The following AFF3 variants were observed in gnomAD, a reference collection of about 807,000 sequenced individuals.
AFF3 encodes the protein ALF transcription elongation factor 3, also known as AF4/FMR2 family member 3.
In AFF3, 32 loss-of-function variants were observed where a neutral mutation model predicts 129.7. The observed-to-expected ratio is 0.25, with a 90% CI of 0.19 to 0.33. The LOEUF (loss-of-function observed/expected upper bound fraction) is 0.33, where lower values mean the gene tolerates loss of function less well. Ranked by LOEUF, AFF3 falls within the 10% of genes least tolerant of loss-of-function variation. AFF3 has a pLI of 1.00. For missense variants in AFF3, 1,373 were observed against 1,592.0 expected, an observed-to-expected ratio of 0.86 and a Z score of 2.34; for synonymous variants, 644 against 635.4, an observed-to-expected ratio of 1.01 and a Z score of -0.20.
intron 8 of AFF3, among the ~76,000 whole-genome samples, chr2:99,755,218 C>A (rs967268759): frequency 6.6e-6 from 1 of 151,930 alleles, no homozygotes; most frequent in Non-Finnish European, 1.5e-5. Context: ...ATCAGACTAA[C>A]GGCTCCCTCC....
chr2:99,592,049 T>C (rs774725876), intron 15 of AFF3, among the ~76,000 whole-genome samples: 3 of 152,238 alleles, frequency 2.0e-5, no homozygotes, highest in Admixed American at 6.5e-5. Flanking sequence ...AATCTTGGTC[T>C]GTCACCCATT....
At chr2:99,922,872 GTCTACATCTATTT>G (rs991867900) in intron 7 of AFF3, among the ~76,000 whole-genome samples, 5 of 152,096 alleles carry the variant, frequency 3.3e-5, no homozygotes, top group Admixed American at 2.0e-4. Context: ...GCCAACAGTA[GTCTACATCTATTT>G]TCTACCCAGC....
chr2:99,887,738 T>C (rs766160935), intron 7 of AFF3, among the ~76,000 whole-genome samples: 2 of 152,244 alleles, frequency 1.3e-5, no homozygotes, highest in South Asian at 4.1e-4. Context: ...ACTATTGAGT[T>C]CTTATTGCAA....
chr2:99,799,468 T>G (rs1685776858), intron 8 of AFF3, among the ~76,000 whole-genome samples: 2 of 152,026 alleles, frequency 1.3e-5, no homozygotes, highest in South Asian at 4.2e-4. Context: ...CCCTTAACAT[T>G]TGATGAGAAG....
intron 8 of AFF3, among the ~76,000 whole-genome samples, chr2:99,771,241 AAC>A (rs1342523609): frequency 1.3e-5 from 2 of 152,070 alleles, no homozygotes; most frequent in Non-Finnish European, 2.9e-5. Flanking sequence ...GGTGGGGAAA[AAC>A]ACATACTGAG....
At chr2:100,141,142 G>A (rs1692852853) in intron 1 of AFF3, among the ~76,000 whole-genome samples, 1 of 152,170 alleles carries the variant, frequency 6.6e-6, no homozygotes, top group Admixed American at 6.5e-5. Context: ...ACAGATGTGG[G>A]AACTCCGATG....
chr2:100,118,985 G>C (rs1691842233), intron 2 of AFF3, among the ~76,000 whole-genome samples: 2 of 152,022 alleles, frequency 1.3e-5, no homozygotes, highest in South Asian at 4.2e-4. Flanking sequence ...ATTTTTAGCA[G>C]AGACGGGGTT....
At chr2:100,121,521 G>A (rs17023518) in intron 2 of AFF3, among the ~76,000 whole-genome samples, 2,057 of 152,304 alleles carry the variant, frequency 0.014, 54 homozygotes, top group African/African-American at 0.047. Context: ...CCTGGCACAC[G>A]AAGTGCTCAA....
chr2:99,618,186 T>A (rs944485998), intron 13 of AFF3, among the ~76,000 whole-genome samples: 12 of 151,636 alleles, frequency 7.9e-5, no homozygotes, highest in Non-Finnish European at 1.5e-4. Flanking sequence ...CCTCATAGTG[T>A]TGCTAGGTGG....
intron 24 of AFF3, among the ~76,000 whole-genome samples, chr2:99,552,827 C>T (rs1378142660): frequency 6.6e-6 from 1 of 152,222 alleles, no homozygotes; most frequent in Non-Finnish European, 1.5e-5. Flanking sequence ...TGCTCACAGT[C>T]TCCCAAACTG....
chr2:99,971,758 G>A (rs1678403747), intron 7 of AFF3, among the ~76,000 whole-genome samples: 1 of 152,108 alleles, frequency 6.6e-6, no homozygotes. Context: ...TGGGGAGTCA[G>A]GCCCAGAGCC....
At chr2:99,932,303 CA>C (rs773605284) in intron 7 of AFF3, among the ~76,000 whole-genome samples, 3 of 152,038 alleles carry the variant, frequency 2.0e-5, no homozygotes, top group Non-Finnish European at 4.4e-5. Flanking sequence ...CCAGGGAAGC[CA>C]AAAAACTGGA....
chr2:99,944,330 C>T (rs1046473202), intron 7 of AFF3, among the ~76,000 whole-genome samples: 6 of 152,148 alleles, frequency 3.9e-5, no homozygotes, highest in African/African-American at 1.4e-4. Flanking sequence ...TTCTATCTGC[C>T]AAAATTGGGA....
chr2:99,969,478 C>CATTTATTTATTTATTTATTTATTTATTT (rs6146857), intron 7 of AFF3, among the ~76,000 whole-genome samples: 4 of 150,410 alleles, frequency 2.7e-5, no homozygotes, highest in Non-Finnish European at 4.4e-5. Context: ...ATTTTATTTT[C>CATTTATTTATTTATTTATTTATTTATTT]ATTTATTTAT....
chr2:99,972,823 C>A (rs749471840), intron 7 of AFF3, among the ~76,000 whole-genome samples: 3 of 152,190 alleles, frequency 2.0e-5, no homozygotes, highest in Non-Finnish European at 4.4e-5. Flanking sequence ...ATGCCCCCAA[C>A]TCCTCGCTCA....
At chr2:99,838,134 G>C (rs1215434653) in intron 7 of AFF3, among the ~76,000 whole-genome samples, 1 of 152,150 alleles carries the variant, frequency 6.6e-6, no homozygotes, top group Non-Finnish European at 1.5e-5. Context: ...GATGTTCCGA[G>C]GTGCAGTGGC....
At chr2:99,742,335 C>A (rs150414272) in intron 10 of AFF3, among the ~76,000 whole-genome samples, 1 of 151,946 alleles carries the variant, frequency 6.6e-6, no homozygotes, top group African/African-American at 2.4e-5. Flanking sequence ...CAGAGCAAGA[C>A]CTTGTCTCAA....
intron 11 of AFF3, among the ~76,000 whole-genome samples, chr2:99,693,164 G>A (rs1200892619): frequency 6.6e-6 from 1 of 152,224 alleles, no homozygotes; most frequent in African/African-American, 2.4e-5. Context: ...AAAAGAACTG[G>A]CTGATGAATA....
chr2:100,100,114 T>C (rs201103716), intron 4 of AFF3, among the ~76,000 whole-genome samples: 15,607 of 99,238 alleles, frequency 0.16, 1,081 homozygotes, highest in East Asian at 0.26. Context: ...AATGCCTATC[T>C]GAACAAAAGT....
Sources: gnomAD v4.1 joint callset for allele counts (sites outside exome capture counted in the v4.1 genomes callset) on GRCh38, gnomAD v4.1.1 for gene constraint, MANE v1.5 for transcripts, NCBI Gene and HGNC (gene_info 2026-07-23, HGNC 2026-07-21) for gene names.